Variants in RBFOX1 observed in about 807,000 individuals in gnomAD.
RBFOX1 encodes the protein RNA binding protein fox-1 homolog 1.
A neutral mutation model predicts 57.7 loss-of-function variants in RBFOX1; 8 were observed. That is an observed-to-expected ratio of 0.14 (90% CI 0.08 to 0.25). The LOEUF (loss-of-function observed/expected upper bound fraction) is 0.25, where lower values mean the gene tolerates loss of function less well. Among genes scored for constraint, RBFOX1 ranks in the 10% least tolerant of loss-of-function variants. The probability of loss-of-function intolerance (pLI) is 1.00; values close to 1 mark genes in which losing one functional copy is unlikely to be tolerated. For synonymous variants in RBFOX1, 326 were observed against 222.4 expected, an observed-to-expected ratio of 1.47 and a Z score of -4.15; for missense variants, 611 against 548.5, an observed-to-expected ratio of 1.11 and a Z score of -1.14.
intron 3 of RBFOX1, among the ~76,000 whole-genome samples, chr16:6,700,331 C>T (rs779444203): frequency 6.7e-6 from 1 of 148,920 alleles, no homozygotes; most frequent in Non-Finnish European, 1.5e-5. Flanking sequence ...ATTTTTAAAA[C>T]ATCAGCACCA....
chr16:6,560,998 C>G (rs1474067765), intron 2 of RBFOX1, among the ~76,000 whole-genome samples: 7 of 152,216 alleles, frequency 4.6e-5, no homozygotes, highest in Non-Finnish European at 1.5e-5. Context: ...TATCCATCCA[C>G]TTAAAGACAA....
At chr16:7,168,367 G>T (rs954193733) in intron 4 of RBFOX1, among the ~76,000 whole-genome samples, 1 of 152,134 alleles carries the variant, frequency 6.6e-6, no homozygotes, top group Admixed American at 6.5e-5. Context: ...AGGGTGCAGA[G>T]CCAGGTAGGA....
intron 12 of RBFOX1, among the ~76,000 whole-genome samples, chr16:7,662,890 A>C (rs1272737778): frequency 6.6e-6 from 1 of 152,254 alleles, no homozygotes; most frequent in East Asian, 1.9e-4. Context: ...TAATATGTGC[A>C]AAGGCACTGC....
intron 3 of RBFOX1, among the ~76,000 whole-genome samples, chr16:6,968,280 A>T (rs1423069024): frequency 5.3e-5 from 8 of 152,186 alleles, no homozygotes; most frequent in Admixed American, 5.2e-4. Context: ...ACTTGGAGAG[A>T]GGATATTTGA....
At chr16:6,806,951 A>G (rs1412036967) in intron 3 of RBFOX1, among the ~76,000 whole-genome samples, 8 of 150,278 alleles carry the variant, frequency 5.3e-5, no homozygotes, top group African/African-American at 1.7e-4. Context: ...CTCCTGCCTC[A>G]GCCTCCTAAG....
At chr16:5,893,172 C>T (rs181073367) in intron 4 of RBFOX1, among the ~76,000 whole-genome samples, 6 of 152,206 alleles carry the variant, frequency 3.9e-5, no homozygotes, top group African/African-American at 1.4e-4. Context: ...TGGAATTCAG[C>T]TGATGCTCCA....
intron 4 of RBFOX1, among the ~76,000 whole-genome samples, chr16:7,279,017 A>G (rs2095492730): frequency 1.3e-5 from 2 of 152,166 alleles, no homozygotes; most frequent in Admixed American, 1.3e-4. Flanking sequence ...TTTAAAATCT[A>G]AAAACTGATG....
intron 4 of RBFOX1, among the ~76,000 whole-genome samples, chr16:7,125,675 T>C (rs906185505): frequency 1.3e-5 from 2 of 152,180 alleles, no homozygotes; most frequent in Admixed American, 1.3e-4. Context: ...CAATGAGTTA[T>C]TTGCTCTAAA....
rs538900766 is a variant in RBFOX1, at chr16:5,944,887, A to G, written c.351+77552A>G. 3.5e-5 allele frequency among the ~76,000 whole-genome samples: 5 copies of G among 144,084 alleles called. No individual in the cohort carries two copies. In the East Asian group the frequency reaches 1.0e-3, roughly 30 times the overall value. 94.5% of individuals were successfully genotyped at this position (144,084 alleles called of 152,430 possible). A position where few individuals can be genotyped will look rare whatever the true frequency, so the allele number is the denominator to read the frequency against. On this transcript the variant is annotated intron_variant, in intron 4 of 19. Coordinates refer to the RBFOX1 transcript ENST00000641259. ...AGGCTGAGGCAGGAGAATCACTTGA[A>G]CCCAGGAGGCAGAGGTTGCAATGAG...
intron 4 of RBFOX1, among the ~76,000 whole-genome samples, chr16:7,254,955 C>G (rs2094618839): frequency 6.6e-6 from 1 of 152,070 alleles, no homozygotes; most frequent in African/African-American, 2.4e-5. Context: ...AATGGCTCAA[C>G]CGTTAATAAG....
intron 1 of RBFOX1, among the ~76,000 whole-genome samples, chr16:6,102,927 A>G (rs1274632762): frequency 1.3e-5 from 2 of 152,184 alleles, no homozygotes; most frequent in African/African-American, 2.4e-5. Flanking sequence ...GAGTCTGGGA[A>G]TTTCTCTGCA....
chr16:7,167,304 G>T (rs916573386), intron 4 of RBFOX1, among the ~76,000 whole-genome samples: 1 of 151,856 alleles, frequency 6.6e-6, no homozygotes, highest in African/African-American at 2.4e-5. Context: ...GATTTTTACG[G>T]ATGTCACTCA....
intron 4 of RBFOX1, among the ~76,000 whole-genome samples, chr16:5,895,029 A>G (rs541388583): frequency 2.0e-5 from 3 of 152,138 alleles, no homozygotes; most frequent in South Asian, 2.1e-4. Context: ...TCTAAAAAAA[A>G]ATAAAGAAGT....
intron 1 of RBFOX1, among the ~76,000 whole-genome samples, chr16:6,171,471 A>C (rs1051108472): frequency 1.3e-5 from 2 of 152,208 alleles, no homozygotes; most frequent in Non-Finnish European, 2.9e-5. Context: ...CCACAGCCTA[A>C]AAGATGAAAT....
At chr16:7,627,499 G>T (rs184650843) in intron 10 of RBFOX1, among the ~76,000 whole-genome samples, 2 of 152,206 alleles carry the variant, frequency 1.3e-5, no homozygotes, top group African/African-American at 2.4e-5. Context: ...ACAAATGAAG[G>T]TTCCTGGCAT....
intron 4 of RBFOX1, among the ~76,000 whole-genome samples, chr16:7,145,339 G>C (rs752792899): frequency 1.1e-4 from 16 of 152,094 alleles, no homozygotes; most frequent in Non-Finnish European, 1.8e-4. Flanking sequence ...CGATTAGCTG[G>C]GATTGCAGGC....
intron 4 of RBFOX1, among the ~76,000 whole-genome samples, chr16:7,235,034 G>T (rs942461881): frequency 6.6e-5 from 10 of 152,130 alleles, no homozygotes; most frequent in African/African-American, 2.4e-4. Flanking sequence ...GCAAGTCGAA[G>T]TGCTATGGTG....
intron 2 of RBFOX1, among the ~76,000 whole-genome samples, chr16:6,548,243 GC>G (rs2153856552): frequency 6.6e-6 from 1 of 151,952 alleles, no homozygotes; most frequent in African/African-American, 2.4e-5. Context: ...GTTTTGTTTT[GC>G]TAGATGTCAG....
chr16:6,950,623 C>T (rs192777440), intron 3 of RBFOX1, among the ~76,000 whole-genome samples: 2 of 152,178 alleles, frequency 1.3e-5, no homozygotes, highest in East Asian at 3.9e-4. Flanking sequence ...TGCTGTGTGC[C>T]TTATGTAGAA....
Sources: allele counts gnomAD v4.1 joint callset (sites outside exome capture counted in the v4.1 genomes callset), GRCh38; gene constraint gnomAD v4.1.1; transcripts MANE v1.5; gene names NCBI Gene and HGNC (gene_info 2026-07-23, HGNC 2026-07-21).